RORB: variants seen among roughly 807,000 people sequenced by gnomAD.
The protein encoded by RORB is nuclear receptor ROR-beta.
In RORB, 6 loss-of-function variants were observed where a neutral mutation model predicts 59.1. That is an observed-to-expected ratio of 0.10 (90% CI 0.06 to 0.20). The LOEUF is 0.20. RORB is among the 10% of genes least tolerant of loss of function. RORB has a pLI of 1.00. For synonymous variants in RORB, 215 were observed against 204.5 expected, an observed-to-expected ratio of 1.05 and a Z score of -0.44; for missense variants, 320 against 560.5, an observed-to-expected ratio of 0.57 and a Z score of 4.33.
At chr9:74,618,258 G>A (rs1823345381) in intron 1 of RORB, among the ~76,000 whole-genome samples, 2 of 152,050 alleles carry the variant, frequency 1.3e-5, no homozygotes, top group South Asian at 2.1e-4. Flanking sequence ...GTCTGCAAAC[G>A]TGAAAAAGGG....
chr9:74,665,881 C>T (rs908415634), intron 7 of RORB, among the ~76,000 whole-genome samples: 11 of 152,200 alleles, frequency 7.2e-5, no homozygotes, highest in Admixed American at 3.3e-4. Flanking sequence ...GTGGCTCATG[C>T]GTATAATCCT....
chr9:74,546,208 G>T (rs982764596), intron 1 of RORB, among the ~76,000 whole-genome samples: 2 of 152,224 alleles, frequency 1.3e-5, no homozygotes, highest in Non-Finnish European at 2.9e-5. Context: ...AAGCTCGGAG[G>T]TTCCCGTGGG....
intron 1 of RORB, among the ~76,000 whole-genome samples, chr9:74,560,670 A>G (rs1486740264): frequency 1.3e-5 from 2 of 151,682 alleles, no homozygotes; most frequent in East Asian, 1.9e-4. Context: ...AAATTTGTCT[A>G]ATAATAATTT....
chr9:74,556,279 T>G (rs1167966196), intron 1 of RORB, among the ~76,000 whole-genome samples: 1 of 152,214 alleles, frequency 6.6e-6, no homozygotes, highest in East Asian at 1.9e-4. Context: ...TACGTTATTG[T>G]AGAAACACAA....
At chr9:74,509,331 G>A (rs548215688) in intron 1 of RORB, among the ~76,000 whole-genome samples, 1 of 151,828 alleles carries the variant, frequency 6.6e-6, no homozygotes, top group Non-Finnish European at 1.5e-5. Flanking sequence ...ATTATTCCCT[G>A]GAAAGTTCCA....
At chr9:74,556,840 C>A (rs993516414) in intron 1 of RORB, among the ~76,000 whole-genome samples, 4 of 152,066 alleles carry the variant, frequency 2.6e-5, no homozygotes, top group African/African-American at 9.7e-5. Context: ...TATTTTCACA[C>A]CATCCTGCTA....
chr9:74,562,058 T>G (rs1169505039), intron 1 of RORB, among the ~76,000 whole-genome samples: 3 of 152,208 alleles, frequency 2.0e-5, no homozygotes, highest in Non-Finnish European at 4.4e-5. Flanking sequence ...CAGAGGATGG[T>G]GCATGTTGTC....
intron 4 of RORB, among the ~76,000 whole-genome samples, chr9:74,647,266 AG>A (rs1823915633): frequency 6.6e-6 from 1 of 152,206 alleles, no homozygotes; most frequent in Non-Finnish European, 1.5e-5. Context: ...AAAGGAAAGT[AG>A]AACATCTTGT....
At chr9:74,540,818 G>T (rs77840372) in intron 1 of RORB, among the ~76,000 whole-genome samples, 1 of 151,844 alleles carries the variant, frequency 6.6e-6, no homozygotes, top group Admixed American at 6.6e-5. Context: ...TAAATCTATC[G>T]GACAAATTTT....
intron 4 of RORB, among the ~76,000 whole-genome samples, chr9:74,651,074 G>A (rs529206584): frequency 6.6e-6 from 1 of 152,262 alleles, no homozygotes; most frequent in South Asian, 2.1e-4. Flanking sequence ...GGTGGCGTGT[G>A]GAGGTGCAGT....
intron 1 of RORB, among the ~76,000 whole-genome samples, chr9:74,619,891 C>A (rs1823381797): frequency 6.6e-6 from 1 of 152,182 alleles, no homozygotes; most frequent in Non-Finnish European, 1.5e-5. Flanking sequence ...GGGATGAAGC[C>A]AACTTGATCA....
intron 1 of RORB, among the ~76,000 whole-genome samples, chr9:74,547,101 T>G (rs771315973): frequency 1.8e-4 from 28 of 152,008 alleles, no homozygotes; most frequent in Non-Finnish European, 3.7e-4. Flanking sequence ...CTCAAAAAAA[T>G]AAATTGTTGG....
rs1824714463 is a variant in RORB, at chr9:74,690,057, C to T, written c.*4439C>T. On this transcript the variant is annotated 3_prime_UTR_variant, in exon 10 of 10. Coordinates refer to ENST00000376896, the MANE Select transcript of RORB (RefSeq NM_006914.4). ...CTAACAGAAGCACCGTTCAATAGAA[C>T]AGCAATAACCTTAAAGTGTGCATCT... 1 of 152,120 alleles carries T rather than the reference C, an allele frequency of 6.6e-6. No individual in the cohort carries two copies. Among genetic ancestry groups the T allele is most frequent in the African/African-American group, 2.4e-5 (1 of 41,414 alleles). The allele number at this position is 152,120 out of a possible 1,614,324, so 9.4% of individuals were successfully genotyped here.
intron 1 of RORB, among the ~76,000 whole-genome samples, chr9:74,576,480 G>T (rs968216781): frequency 2.0e-5 from 3 of 151,810 alleles, no homozygotes; most frequent in African/African-American, 7.3e-5. Context: ...GGGAATTCAA[G>T]ATTTCATAGG....
chr9:74,622,234 G>A (rs11790187), intron 1 of RORB, among the ~76,000 whole-genome samples: 63,310 of 151,898 alleles, frequency 0.42, 14,473 homozygotes, highest in East Asian at 0.76. Flanking sequence ...GTAGGCTAGA[G>A]AAAGGGGTTT....
At chr9:74,518,999 A>G (rs1826048741) in intron 1 of RORB, among the ~76,000 whole-genome samples, 1 of 152,032 alleles carries the variant, frequency 6.6e-6, no homozygotes, top group Admixed American at 6.6e-5. Context: ...TGTATATCAA[A>G]AGAAGAGTAT....
At chr9:74,576,921 C>T (rs981631898) in intron 1 of RORB, among the ~76,000 whole-genome samples, 2 of 152,062 alleles carry the variant, frequency 1.3e-5, no homozygotes, top group African/African-American at 4.8e-5. Flanking sequence ...CATTTGTCTA[C>T]AGTCACACAG....
At chr9:74,604,053 A>ATTTTG (rs386415138) in intron 1 of RORB, among the ~76,000 whole-genome samples, 1 of 151,850 alleles carries the variant, frequency 6.6e-6, no homozygotes, top group Non-Finnish European at 1.5e-5. Context: ...ACTAAATATT[A>ATTTTG]TTTTTCTCAC....
At chr9:74,659,020 A>G (rs1824135863) in intron 4 of RORB, among the ~76,000 whole-genome samples, 1 of 152,154 alleles carries the variant, frequency 6.6e-6, no homozygotes, top group African/African-American at 2.4e-5. Context: ...TGCAGGATGG[A>G]TTGCAGAATT....
Sources: allele counts gnomAD v4.1 joint callset (sites outside exome capture counted in the v4.1 genomes callset), GRCh38; gene constraint gnomAD v4.1.1; transcripts MANE v1.5; gene names NCBI Gene and HGNC (gene_info 2026-07-23, HGNC 2026-07-21).